FRYL: variants seen among roughly 807,000 people sequenced by gnomAD.
FRYL encodes the protein protein furry homolog-like.
A neutral mutation model predicts 351.2 loss-of-function variants in FRYL; 150 were observed. The observed-to-expected ratio is 0.43, with a 90% CI of 0.37 to 0.49. The LOEUF (loss-of-function observed/expected upper bound fraction) is 0.49, where lower values mean the gene tolerates loss of function less well. Ranked by LOEUF, FRYL falls within the 20% of genes least tolerant of loss-of-function variation. The probability of loss-of-function intolerance (pLI) is 0.00; values close to 1 mark genes in which losing one functional copy is unlikely to be tolerated. For synonymous variants in FRYL, 1,153 were observed against 1,257.1 expected (o/e 0.92, Z 1.75); for missense variants, 3,036 against 3,619.3 (o/e 0.84, Z 4.13).
In FRYL at chr4:48,656,728, CTATA is replaced by C. The variant is rs146914218; in HGVS notation, c.-80-22242_-80-22239del. On this transcript the variant is annotated intron_variant, in intron 3 of 63. Transcript: ENST00000358350. ...ATATAAAATGTATATATATGACTGA[CTATA>C]TATATATATATTTATTTATCGCCAA... Among the ~76,000 whole-genome samples, 90 of 144,946 alleles carry C rather than the reference CTATA, an allele frequency of 6.2e-4. 6 individuals are homozygous for C. Among genetic ancestry groups the C allele is most frequent in the Non-Finnish European group, 1.2e-4 (8 of 66,508 alleles).
chr4:48,693,371 GACA>G (rs1765845855), intron 2 of FRYL, among the ~76,000 whole-genome samples: 1 of 152,082 alleles, frequency 6.6e-6, no homozygotes. Flanking sequence ...GAAATGTTGT[GACA>G]AAGAAAATGA....
At chr4:48,527,839 G>C in intron 52 of FRYL, 132 bp downstream of exon 52, 1 of 975,250 alleles carries the variant, frequency 1.0e-6, no homozygotes, top group Admixed American at 2.6e-5. Flanking sequence ...CAAGAGATAA[G>C]AAATCTTTTT....
intron 33 of FRYL, among the ~76,000 whole-genome samples, chr4:48,560,037 T>C (rs1282875311): frequency 6.6e-6 from 1 of 151,848 alleles, no homozygotes; most frequent in Non-Finnish European, 1.5e-5. Flanking sequence ...GGACTGAGAA[T>C]ATGGAATAGT....
intron 37 of FRYL, 42 bp from the exon 38 acceptor site, chr4:48,550,746 A>G: frequency 7.8e-7 from 1 of 1,280,774 alleles, no homozygotes; most frequent in Non-Finnish European, 1.1e-6. Flanking sequence ...TTCACGGTGC[A>G]ATGGTATTTA....
At chr4:48,521,566 G>C (rs1392093816) in intron 54 of FRYL, among the ~76,000 whole-genome samples, 2 of 152,182 alleles carry the variant, frequency 1.3e-5, no homozygotes, top group Non-Finnish European at 2.9e-5. Flanking sequence ...TAAGTGAATG[G>C]GCACTAGAGA....
chr4:48,640,090 A>AT (rs1234693873), intron 3 of FRYL, among the ~76,000 whole-genome samples: 1 of 152,162 alleles, frequency 6.6e-6, no homozygotes, highest in Non-Finnish European at 1.5e-5. Flanking sequence ...ACTTTAAAAG[A>AT]TATTTTGGTT....
chr4:48,777,461 A>G (rs1170599728), intron 1 of FRYL, among the ~76,000 whole-genome samples: 1 of 152,258 alleles, frequency 6.6e-6, no homozygotes, highest in Non-Finnish European at 1.5e-5. Flanking sequence ...GGTACTAAAA[A>G]GGTCCGAGGT....
chr4:48,523,141 A>T (rs780618686), intron 53 of FRYL, 37 bp from the exon 54 acceptor site: 1 of 1,404,734 alleles, frequency 7.1e-7, no homozygotes, highest in South Asian at 1.2e-5. Flanking sequence ...AACCTCAAAT[A>T]CATGCTTCTA....
intron 33 of FRYL, among the ~76,000 whole-genome samples, chr4:48,560,477 G>C (rs1436984688): frequency 1.3e-5 from 2 of 152,140 alleles, no homozygotes; most frequent in Non-Finnish European, 2.9e-5. Flanking sequence ...GTGGACACCT[G>C]TACCAGCACA....
intron 1 of FRYL, among the ~76,000 whole-genome samples, chr4:48,779,618 C>T (rs1223407793): frequency 6.6e-6 from 1 of 152,046 alleles, no homozygotes; most frequent in Non-Finnish European, 1.5e-5. Flanking sequence ...GGTCGCCGGT[C>T]TTCCTCCACC....
chr4:48,674,498 G>A (rs1032989681), intron 3 of FRYL, among the ~76,000 whole-genome samples: 2 of 151,968 alleles, frequency 1.3e-5, no homozygotes, highest in African/African-American at 4.8e-5. Flanking sequence ...GCAACATAGG[G>A]AGGCCAAGGC....
chr4:48,612,609 C>G (rs1748454379), intron 7 of FRYL, among the ~76,000 whole-genome samples: 2 of 152,192 alleles, frequency 1.3e-5, no homozygotes, highest in African/African-American at 4.8e-5. Flanking sequence ...CAGTCTCGCT[C>G]TGTCACCCAG....
intron 1 of FRYL, among the ~76,000 whole-genome samples, chr4:48,773,158 C>T (rs1314514627): frequency 2.6e-5 from 4 of 152,174 alleles, no homozygotes; most frequent in Non-Finnish European, 4.4e-5. Context: ...AAATATGGTA[C>T]ATATAAATTA....
intron 3 of FRYL, chr4:48,636,973 G>T (rs992616184): frequency 6.6e-6 from 1 of 152,106 alleles, no homozygotes; most frequent in Middle Eastern, 3.4e-3. Flanking sequence ...ACAGGAAAGT[G>T]TTCAAAATAC....
chr4:48,502,718 TA>T, intron 61 of FRYL, 109 bp downstream of exon 61: 1 of 793,686 alleles, frequency 1.3e-6, no homozygotes, highest in Non-Finnish European at 2.1e-6. Flanking sequence ...ATACTACTTG[TA>T]AAGTAGTCCA....
At chr4:48,697,443 T>G (rs1766305413) in intron 2 of FRYL, among the ~76,000 whole-genome samples, 1 of 152,214 alleles carries the variant, frequency 6.6e-6, no homozygotes, top group South Asian at 2.1e-4. Context: ...TTTCTCACCT[T>G]TCTTGGATTT....
intron 59 of FRYL, 69 bp from the exon 60 acceptor site, chr4:48,505,684 C>CAA (rs1045412429): frequency 1.1e-6 from 1 of 909,264 alleles, no homozygotes; most frequent in African/African-American, 1.7e-5. Flanking sequence ...TGTCCATATA[C>CAA]AACACCAAAC....
intron 2 of FRYL, among the ~76,000 whole-genome samples, chr4:48,701,215 G>GC (rs1036412888): frequency 1.3e-5 from 2 of 152,058 alleles, no homozygotes; most frequent in Non-Finnish European, 2.9e-5. Flanking sequence ...CTCTTTTATT[G>GC]CATCAATATG....
chr4:48,507,489 C>G (rs1236843879), intron 59 of FRYL, among the ~76,000 whole-genome samples: 1 of 151,878 alleles, frequency 6.6e-6, no homozygotes, highest in Non-Finnish European at 1.5e-5. Context: ...CCTGCAAGGA[C>G]AATGATGGAA....
Sources: gnomAD v4.1 joint callset for allele counts (sites outside exome capture counted in the v4.1 genomes callset) on GRCh38, gnomAD v4.1.1 for gene constraint, MANE v1.5 for transcripts, NCBI Gene and HGNC (gene_info 2026-07-23, HGNC 2026-07-21) for gene names.